The following DCBLD2 variants were observed in gnomAD, a reference collection of about 807,000 sequenced individuals.
DCBLD2 encodes discoidin, CUB and LCCL domain containing 2, also known as discoidin, CUB and LCCL domain-containing protein 2.
Under a neutral mutation model 86.8 loss-of-function variants are expected in DCBLD2, and 54 were observed. The ratio of observed to expected loss-of-function variants is 0.62; its 90% CI spans 0.50 to 0.78. DCBLD2 has a LOEUF of 0.78. Ranked by LOEUF, DCBLD2 falls within the 30% of genes least tolerant of loss-of-function variation. DCBLD2 has a pLI of 0.00. For synonymous variants in DCBLD2, 354 were observed against 341.3 expected, an observed-to-expected ratio of 1.04 and a Z score of -0.41; for missense variants, 908 against 954.2, an observed-to-expected ratio of 0.95 and a Z score of 0.64.
At chr3:98,877,880 A>T (rs901357241) in intron 2 of DCBLD2, among the ~76,000 whole-genome samples, 20 of 152,172 alleles carry the variant, frequency 1.3e-4, no homozygotes, top group African/African-American at 4.6e-4. Context: ...AGAGGCTCCC[A>T]CTGGAGATTT....
chr3:98,871,705 T>C (rs1943284462), intron 2 of DCBLD2, among the ~76,000 whole-genome samples: 1 of 152,192 alleles, frequency 6.6e-6, no homozygotes, highest in Non-Finnish European at 1.5e-5. Context: ...TTTGCACCTA[T>C]GTTCATTAGG....
intron 2 of DCBLD2, among the ~76,000 whole-genome samples, chr3:98,871,028 T>C (rs1943273866): frequency 6.6e-6 from 1 of 151,864 alleles, no homozygotes; most frequent in Non-Finnish European, 1.5e-5. Flanking sequence ...CCTAGGGTTT[T>C]TTTTTTTCCT....
chr3:98,835,570 A>G (rs2107463963), intron 3 of DCBLD2, among the ~76,000 whole-genome samples: 1 of 144,534 alleles, frequency 6.9e-6, no homozygotes, highest in East Asian at 2.0e-4. Context: ...TTTTTTTGAG[A>G]CAGAGTTTCT....
In DCBLD2 at chr3:98,901,547, CAGGGG is replaced by C; in HGVS notation, c.-226_-222del. On this transcript the variant is annotated 5_prime_UTR_variant, in exon 1 of 16. Coordinates refer to ENST00000326840, the MANE Select transcript of DCBLD2 (RefSeq NM_080927.4). ...CGCGCCGAGACCCCAGGCCGGAGCG[CAGGGG>C]AGGGGAGGGAAGGAAGCGGAGTCCT... 1 of 375,090 alleles carries C rather than the reference CAGGGG, an allele frequency of 2.7e-6. No homozygotes were observed. Among genetic ancestry groups the C allele is most frequent in the Non-Finnish European group, 4.5e-6 (1 of 219,848 alleles). 23.2% of individuals were successfully genotyped at this position (375,090 alleles called of 1,614,324 possible). A position where few individuals can be genotyped will look rare whatever the true frequency, so the allele number is the denominator to read the frequency against.
At chr3:98,900,311 C>A (rs754839573) in intron 1 of DCBLD2, among the ~76,000 whole-genome samples, 1 of 152,166 alleles carries the variant, frequency 6.6e-6, no homozygotes, top group Non-Finnish European at 1.5e-5. Context: ...ATGGAAATAT[C>A]TTTTCAAAAA....
At position 98,797,827 on chromosome 3, in the gene DCBLD2, T is replaced by A. The variant is rs1378567321; in HGVS notation, c.*1545A>T. ...AATTGAGTGAATTCTGGCAACATCATAATCTGGTGGCTCAGGCCAACAGAA... is the reference window on the plus strand; with the variant it reads ...AATTGAGTGAATTCTGGCAACATCAAAATCTGGTGGCTCAGGCCAACAGAA... On this transcript the variant is annotated 3_prime_UTR_variant, in exon 16 of 16. Coordinates refer to ENST00000326840, the MANE Select transcript of DCBLD2 (RefSeq NM_080927.4). 6.6e-6 allele frequency: 1 copy of A among 152,220 alleles called. No homozygotes were observed. The highest frequency in any genetic ancestry group is 1.9e-4 in the East Asian group (1 of 5,204). The allele number at this position is 152,220 out of a possible 1,614,324, so 9.4% of individuals were successfully genotyped here.
chr3:98,799,833 G>A lies in DCBLD2; in HGVS notation c.1867C>T (p.Gln623Ter), dbSNP rs1328614343. The A allele has an allele frequency of 1.2e-6, 2 of 1,609,132 alleles. No homozygotes were observed. The highest frequency in any genetic ancestry group is 1.7e-6 in the Non-Finnish European group (2 of 1,177,082). Residue 623 changes from glutamine (Q) to a stop codon, truncating the protein, a stop_gained, in exon 16 of 16, where the codon CAG becomes TAG. Coordinates refer to ENST00000326840, the MANE Select transcript of DCBLD2 (RefSeq NM_080927.4). LOFTEE classifies it high-confidence loss of function. ...CCAACAATTCCTCCTACCAGTGGCT[G>A]AGCATACTCTGTGGATATCACAAAA... ...VLQADSAEYA[Q>*]PLVGGIVGTL...
chr3:98,863,759 C>A (rs1010673872), intron 2 of DCBLD2, among the ~76,000 whole-genome samples: 2 of 152,070 alleles, frequency 1.3e-5, no homozygotes, highest in African/African-American at 4.8e-5. Context: ...CCATAAAAAC[C>A]CTAGAAGAAA....
At chr3:98,859,594 T>G (rs1943001109) in intron 2 of DCBLD2, among the ~76,000 whole-genome samples, 1 of 152,218 alleles carries the variant, frequency 6.6e-6, no homozygotes, top group African/African-American at 2.4e-5. Context: ...CAGCCTCCAC[T>G]GCTGATACCC....
rs1324657262 is a variant in DCBLD2, at chr3:98,797,425, T to C, written c.*1947A>G. On this transcript the variant is annotated 3_prime_UTR_variant, in exon 16 of 16. Coordinates refer to ENST00000326840, the MANE Select transcript of DCBLD2 (RefSeq NM_080927.4). Reference sequence around the variant, plus strand: ...TCTCTCTTAAAGCTTCAAACAGGTATATTACTTGAGGAAAAGTATATTCTC... The same window carrying C: ...TCTCTCTTAAAGCTTCAAACAGGTACATTACTTGAGGAAAAGTATATTCTC... 1.3e-5 allele frequency: 2 copies of C among 152,618 alleles called. No homozygotes were observed. The highest frequency in any genetic ancestry group is 4.8e-5 in the African/African-American group (2 of 41,464). The allele number at this position is 152,618 out of a possible 1,614,324, so 9.5% of individuals were successfully genotyped here. A position where few individuals can be genotyped will look rare whatever the true frequency, so the allele number is the denominator to read the frequency against.
intron 1 of DCBLD2, among the ~76,000 whole-genome samples, chr3:98,885,901 C>G (rs2107526168): frequency 6.6e-6 from 1 of 151,370 alleles, no homozygotes; most frequent in Non-Finnish European, 1.5e-5. Context: ...TTATTGGCAT[C>G]TAGTAGGTAA....
rs773775485 is a variant in DCBLD2, at chr3:98,796,488, C to G, written c.*2884G>C. The G allele has an allele frequency of 6.6e-6, 1 of 152,618 alleles. No individual in the cohort carries two copies. Among genetic ancestry groups the G allele is most frequent in the Non-Finnish European group, 1.5e-5 (1 of 68,050 alleles). 9.5% of individuals were successfully genotyped at this position (152,618 alleles called of 1,614,324 possible). A position where few individuals can be genotyped will look rare whatever the true frequency, so the allele number is the denominator to read the frequency against. On this transcript the variant is annotated 3_prime_UTR_variant, in exon 16 of 16. Transcript: ENST00000326840. ...GGCAAAGGTGTTTAAGCTTTGTCAC[C>G]TTCCACAGCTTTGTGGCCACATTCA...
At chr3:98,896,661 G>A (rs1001257407) in intron 1 of DCBLD2, among the ~76,000 whole-genome samples, 4 of 152,072 alleles carry the variant, frequency 2.6e-5, no homozygotes, top group East Asian at 1.9e-4. Context: ...AATCATCTAC[G>A]TTTTTAGTTT....
chr3:98,882,799 A>G (rs919973694), intron 1 of DCBLD2, among the ~76,000 whole-genome samples: 2 of 151,962 alleles, frequency 1.3e-5, no homozygotes, highest in African/African-American at 4.8e-5. Context: ...TATGTGCCAC[A>G]TTTTCTTTAT....
rs777927212 is a variant in DCBLD2 at position 98,822,370 on chromosome 3, A to G, written c.697-9T>C. On this transcript the variant is annotated splice_polypyrimidine_tract_variant and intron_variant, in intron 5 of 15. Transcript: ENST00000326840. ...ATGCACAATGGCGAGGACTTAAGGA[A>G]GGGAAAAGAAAAGATTCATTTTTAA... is the stretch of plus-strand genomic sequence containing the variant. 1 of 1,606,034 alleles carries G rather than the reference A, an allele frequency of 6.2e-7. No homozygotes were observed. The highest frequency in any genetic ancestry group is 2.2e-5 in the East Asian group (1 of 44,842).
intron 2 of DCBLD2, among the ~76,000 whole-genome samples, chr3:98,862,978 T>G (rs1219665701): frequency 6.6e-6 from 1 of 152,198 alleles, no homozygotes; most frequent in African/African-American, 2.4e-5. Context: ...AACCCCATCA[T>G]CTACGCCCAA....
At chr3:98,900,781 G>A (rs947740864) in intron 1 of DCBLD2, 3 of 349,528 alleles carry the variant, frequency 8.6e-6, no homozygotes, top group South Asian at 8.1e-5. Flanking sequence ...CCATCCATCC[G>A]TGCAGCTTAA....
chr3:98,834,146 T>C (rs868388940), intron 3 of DCBLD2, among the ~76,000 whole-genome samples: 1 of 107,472 alleles, frequency 9.3e-6, no homozygotes, highest in African/African-American at 3.4e-5. Context: ...TGTTTTCTTT[T>C]TTTTTTTTTT....
At chr3:98,854,469 C>T (rs1467562041) in intron 2 of DCBLD2, among the ~76,000 whole-genome samples, 2 of 152,084 alleles carry the variant, frequency 1.3e-5, no homozygotes, top group Non-Finnish European at 2.9e-5. Flanking sequence ...CTTTTAGCTG[C>T]TTCAGCAAAG....
Sources: allele counts gnomAD v4.1 joint callset (sites outside exome capture counted in the v4.1 genomes callset), GRCh38; gene constraint gnomAD v4.1.1; transcripts MANE v1.5; gene names NCBI Gene and HGNC (gene_info 2026-07-23, HGNC 2026-07-21).